Variants in MALRD1 observed in about 807,000 individuals in gnomAD.
MALRD1 encodes the protein MAM and LDL-receptor class A domain-containing protein 1.
In MALRD1, 247 loss-of-function variants were observed where a neutral mutation model predicts 242.1. The ratio of observed to expected loss-of-function variants is 1.02; its 90% CI spans 0.92 to 1.13. The LOEUF (loss-of-function observed/expected upper bound fraction) is 1.13, where lower values mean the gene tolerates loss of function less well. Ranked by LOEUF, MALRD1 falls within the 50% of genes most tolerant of loss-of-function variation. The pLI is 0.00. For synonymous variants in MALRD1, 995 were observed against 866.6 expected, an observed-to-expected ratio of 1.15 and a Z score of -2.60; for missense variants, 2,989 against 2,533.1, an observed-to-expected ratio of 1.18 and a Z score of -3.86.
At chr10:19,066,352 C>T (rs954094811) in intron 1 of MALRD1, among the ~76,000 whole-genome samples, 6 of 152,112 alleles carry the variant, frequency 3.9e-5, no homozygotes, top group Non-Finnish European at 8.8e-5. Flanking sequence ...ATAGCAATTG[C>T]TTGAGAGACA....
Position 19,204,297 on chromosome 10 carries a change from TATCTCAACAGGGCA to T in MALRD1, c.2105-10_2108del, listed in dbSNP as rs1588693920. On this transcript the variant is annotated splice_acceptor_variant and splice_polypyrimidine_tract_variant and coding_sequence_variant and intron_variant, in exon 16 of 40. Coordinates refer to ENST00000454679, the MANE Select transcript of MALRD1 (RefSeq NM_001142308.3). LOFTEE classifies it high-confidence loss of function. The stretch of plus-strand genomic sequence containing the variant: ...TAATGAAGCGTTTTTTTTTTTTTTT[TATCTCAACAGGGCA>T]TTTTATGTTCATTCTGAAGAAAAGC... 9 of 1,487,562 alleles carry T rather than the reference TATCTCAACAGGGCA, an allele frequency of 6.1e-6. No individual in the cohort carries two copies. The highest frequency in any genetic ancestry group is 2.5e-5 in the Admixed American group (1 of 39,692). 92.1% of individuals were successfully genotyped at this position (1,487,562 alleles called of 1,614,324 possible). A position where few individuals can be genotyped will look rare whatever the true frequency, so the allele number is the denominator to read the frequency against.
At chr10:19,495,929 A>T (rs1054211212) in intron 30 of MALRD1, among the ~76,000 whole-genome samples, 2 of 152,220 alleles carry the variant, frequency 1.3e-5, no homozygotes, top group East Asian at 3.8e-4. Flanking sequence ...TGCAAACCTC[A>T]TTTCAGACAA....
chr10:19,441,689 A>G lies in MALRD1; in HGVS notation c.4846-8618A>G, dbSNP rs150207902. 5.9e-3 allele frequency among the ~76,000 whole-genome samples: 904 copies of G among 152,198 alleles called. 14 individuals carry two copies. The highest frequency in any genetic ancestry group is 0.024 in the Admixed American group (367 of 15,276). On this transcript the variant is annotated intron_variant, in intron 28 of 39. Transcript: ENST00000454679. ...GGTTTCTGTTCTGTTCCATTGGTCT[A>G]TATCTGTTTTTTGGTACCAGTTCCA...
intron 22 of MALRD1, among the ~76,000 whole-genome samples, chr10:19,326,702 T>C (rs927084334): frequency 1.3e-5 from 2 of 152,216 alleles, no homozygotes; most frequent in East Asian, 3.9e-4. Flanking sequence ...AATTATATTT[T>C]AAAAATGTGA....
intron 17 of MALRD1, among the ~76,000 whole-genome samples, chr10:19,207,842 A>T (rs1836855381): frequency 6.6e-6 from 1 of 152,138 alleles, no homozygotes; most frequent in African/African-American, 2.4e-5. Context: ...GTAAGAGATT[A>T]ACAACTACTA....
intron 18 of MALRD1, among the ~76,000 whole-genome samples, chr10:19,224,295 T>TG (rs938200001): frequency 4.6e-5 from 7 of 151,494 alleles, no homozygotes; most frequent in African/African-American, 1.5e-4. Flanking sequence ...TTTTTTTTTT[T>TG]TTTTTTTCTT....
intron 19 of MALRD1, among the ~76,000 whole-genome samples, chr10:19,263,543 G>A (rs748272805): frequency 2.2e-4 from 34 of 151,810 alleles, no homozygotes; most frequent in Non-Finnish European, 1.2e-4. Flanking sequence ...AGTTTCTTAC[G>A]TAGTTTGATA....
intron 18 of MALRD1, among the ~76,000 whole-genome samples, chr10:19,235,578 CAGAGAGAGAG>C (rs34117417): frequency 0.05 from 6,618 of 132,352 alleles, 200 homozygotes; most frequent in Middle Eastern, 0.085. Context: ...CCCACACCCA[CAGAGAGAGAG>C]AGAGAGAGAG....
At chr10:19,661,115 C>T (rs1388902368) in intron 36 of MALRD1, among the ~76,000 whole-genome samples, 1 of 152,068 alleles carries the variant, frequency 6.6e-6, no homozygotes, top group Non-Finnish European at 1.5e-5. Flanking sequence ...GAATGGCAAT[C>T]ATTAAAAAGT....
chr10:19,247,824 TTAAAA>T lies in MALRD1; in HGVS notation c.2992-9854_2992-9850del, dbSNP rs549175616. 9.9e-4 allele frequency among the ~76,000 whole-genome samples: 151 copies of T among 152,188 alleles called. 1 individual carries two copies. The highest frequency in any genetic ancestry group is 3.4e-3 in the Middle Eastern group (1 of 294). ...AATGTTATTAACAGCATTAATTTTG[TTAAAA>T]TAAAAACTTAACCGACGTTAAATTT... On this transcript the variant is annotated intron_variant, in intron 18 of 39. Transcript: ENST00000454679.
At chr10:19,248,488 AAT>A (rs992725710) in intron 18 of MALRD1, among the ~76,000 whole-genome samples, 3 of 151,948 alleles carry the variant, frequency 2.0e-5, no homozygotes, top group Non-Finnish European at 2.9e-5. Flanking sequence ...AGTAAGAATT[AAT>A]AGTTTTTTAA....
chr10:19,535,211 C>T (rs1284839820), intron 32 of MALRD1, among the ~76,000 whole-genome samples: 2 of 151,916 alleles, frequency 1.3e-5, no homozygotes, highest in African/African-American at 4.8e-5. Flanking sequence ...CAATGTTTAC[C>T]CTAGTAAATA....
intron 26 of MALRD1, among the ~76,000 whole-genome samples, chr10:19,369,224 G>A (rs1845256682): frequency 6.9e-6 from 1 of 144,334 alleles, no homozygotes. Context: ...ATTAATTCTT[G>A]TATATAAATA....
intron 38 of MALRD1, among the ~76,000 whole-genome samples, chr10:19,700,648 A>G (rs1235804854): frequency 6.6e-6 from 1 of 151,998 alleles, no homozygotes; most frequent in African/African-American, 2.4e-5. Context: ...TCTGTCTCTA[A>G]CCCTCTGATT....
intron 21 of MALRD1, among the ~76,000 whole-genome samples, chr10:19,302,660 A>G (rs544837624): frequency 1.3e-5 from 2 of 151,806 alleles, no homozygotes; most frequent in African/African-American, 4.8e-5. Flanking sequence ...GGGATGATCA[A>G]AATGTCCTGG....
chr10:19,309,736 G>A (rs1842352824), intron 21 of MALRD1, among the ~76,000 whole-genome samples: 3 of 150,050 alleles, frequency 2.0e-5, no homozygotes. Flanking sequence ...TAACTGTACA[G>A]TGGTGTTAAG....
At chr10:19,630,349 A>G (rs1197559019) in intron 36 of MALRD1, among the ~76,000 whole-genome samples, 1 of 152,184 alleles carries the variant, frequency 6.6e-6, no homozygotes, top group Non-Finnish European at 1.5e-5. Flanking sequence ...AACATATAAT[A>G]TCACTTCATA....
chr10:19,702,226 A>G (rs1046809019), intron 38 of MALRD1, among the ~76,000 whole-genome samples: 1 of 152,216 alleles, frequency 6.6e-6, no homozygotes, highest in Non-Finnish European at 1.5e-5. Flanking sequence ...GAAATATTCA[A>G]GTGATAATGT....
chr10:19,717,101 T>C (rs533821185), intron 38 of MALRD1, among the ~76,000 whole-genome samples: 3 of 152,320 alleles, frequency 2.0e-5, no homozygotes, highest in African/African-American at 7.2e-5. Context: ...CTTGTTTTTA[T>C]GAAAATGTCT....
Sources: gnomAD v4.1 joint callset for allele counts (sites outside exome capture counted in the v4.1 genomes callset) on GRCh38, gnomAD v4.1.1 for gene constraint, MANE v1.5 for transcripts, NCBI Gene and HGNC (gene_info 2026-07-23, HGNC 2026-07-21) for gene names.